SLC44A5: variants seen among roughly 807,000 people sequenced by gnomAD.
SLC44A5 encodes the protein solute carrier family 44 member 5.
Under a neutral mutation model 101.8 loss-of-function variants are expected in SLC44A5, and 57 were observed. The observed-to-expected ratio is 0.56, with a 90% CI of 0.45 to 0.70. SLC44A5 has a LOEUF of 0.70. SLC44A5 is among the 30% of genes least tolerant of loss of function. The pLI is 0.00. For missense variants in SLC44A5, 737 were observed against 853.1 expected, an observed-to-expected ratio of 0.86 and a Z score of 1.70; for synonymous variants, 281 against 290.9, an observed-to-expected ratio of 0.97 and a Z score of 0.35.
At chr1:75,693,639 C>T in the SLC44A5 span, among the ~76,000 whole-genome samples, 2 of 151,988 alleles carry the variant, frequency 1.3e-5, no homozygotes, top group Non-Finnish European at 2.9e-5. Context: ...AAAAATGGTA[C>T]GGAAGAGTTC....
intron 1 of SLC44A5, among the ~76,000 whole-genome samples, chr1:75,548,958 C>T (rs576179335): frequency 6.6e-6 from 1 of 152,186 alleles, no homozygotes; most frequent in Admixed American, 6.5e-5. Context: ...TTGTCAAGTC[C>T]AGTCTGGTTT....
chr1:75,473,221 C>T (rs1326860352), intron 2 of SLC44A5, among the ~76,000 whole-genome samples: 1 of 152,100 alleles, frequency 6.6e-6, no homozygotes, highest in Non-Finnish European at 1.5e-5. Flanking sequence ...CATGGGAGTT[C>T]CAGAGGGAGC....
chr1:75,537,047 C>T (rs1465679664), intron 2 of SLC44A5, among the ~76,000 whole-genome samples: 1 of 115,344 alleles, frequency 8.7e-6, no homozygotes, highest in Non-Finnish European at 1.8e-5. Flanking sequence ...TATATCTATG[C>T]CAAATGATTC....
the SLC44A5 span, among the ~76,000 whole-genome samples, chr1:75,634,512 A>C: frequency 2.6e-5 from 4 of 151,220 alleles, no homozygotes; most frequent in East Asian, 7.8e-4. Flanking sequence ...AACGCCGCAT[A>C]TCTACAACTA....
intron 2 of SLC44A5, among the ~76,000 whole-genome samples, chr1:75,502,302 T>C (rs1669001342): frequency 6.6e-6 from 1 of 152,188 alleles, no homozygotes; most frequent in African/African-American, 2.4e-5. Context: ...CTTGTTTTCC[T>C]GCAGAGGAGG....
the SLC44A5 span, among the ~76,000 whole-genome samples, chr1:75,679,875 G>A: frequency 2.9e-4 from 44 of 152,060 alleles, no homozygotes; most frequent in African/African-American, 8.9e-4. Context: ...CCCATCTCAC[G>A]TGCAGAGACA....
At chr1:75,338,124 G>A (rs1429090283) in intron 4 of SLC44A5, among the ~76,000 whole-genome samples, 6 of 152,158 alleles carry the variant, frequency 3.9e-5, no homozygotes, top group African/African-American at 1.4e-4. Context: ...TCCATTCTTG[G>A]ATTGAAGGCA....
rs1557614332 is a variant in SLC44A5, at chr1:75,280,450, T to TTATATATTGTATATAA, written c.176-5409_176-5408insTTATATACAATATATA. ...TTGTATATATTATATATAGTATATA[T>TTATATATTGTATATAA]TATATATAGTATATATAATATATAA... On this transcript the variant is annotated intron_variant, in intron 5 of 23. Coordinates refer to ENST00000370859, the MANE Select transcript of SLC44A5 (RefSeq NM_001130058.2). Among the ~76,000 whole-genome samples, 10 of 94,332 alleles carry TTATATATTGTATATAA rather than the reference T, an allele frequency of 1.1e-4. 1 individual carries two copies. Among genetic ancestry groups the TTATATATTGTATATAA allele is most frequent in the African/African-American group, 4.2e-4 (9 of 21,590 alleles). The allele number at this position is 94,332 out of a possible 152,430, so 61.9% of individuals were successfully genotyped here. A position where few individuals can be genotyped will look rare whatever the true frequency, so the allele number is the denominator to read the frequency against.
chr1:75,566,535 C>T (rs753120107), intron 1 of SLC44A5, among the ~76,000 whole-genome samples: 1 of 152,192 alleles, frequency 6.6e-6, no homozygotes, highest in African/African-American at 2.4e-5. Flanking sequence ...TTATCTCTAA[C>T]AACTTTGTGT....
At chr1:75,516,608 G>C (rs7542976) in intron 2 of SLC44A5, among the ~76,000 whole-genome samples, 46,026 of 152,068 alleles carry the variant, frequency 0.3, 7,891 homozygotes, top group East Asian at 0.8. Context: ...TTTATATTAA[G>C]GGAATAAATA....
intron 2 of SLC44A5, among the ~76,000 whole-genome samples, chr1:75,477,926 C>A (rs61798718): frequency 6.6e-6 from 1 of 151,346 alleles, no homozygotes; most frequent in East Asian, 1.9e-4. Flanking sequence ...TCCTCGAGAA[C>A]AGCAACTCCA....
At chr1:75,522,669 T>C (rs1490847552) in intron 2 of SLC44A5, among the ~76,000 whole-genome samples, 1 of 152,164 alleles carries the variant, frequency 6.6e-6, no homozygotes, top group Non-Finnish European at 1.5e-5. Flanking sequence ...CCAAACAACC[T>C]TGAACTAAAC....
At chr1:75,218,461 A>G in intron 17 of SLC44A5, 29 bp downstream of exon 17, 1 of 1,611,426 alleles carries the variant, frequency 6.2e-7, no homozygotes, top group Non-Finnish European at 8.5e-7. Context: ...AACTGACAAG[A>G]TAGGTGTAGG....
intron 4 of SLC44A5, among the ~76,000 whole-genome samples, chr1:75,306,821 G>C (rs1026167301): frequency 2.5e-4 from 34 of 136,458 alleles, no homozygotes; most frequent in Admixed American, 2.5e-4. Context: ...TGCAAGCTCC[G>C]CCTCCCGGGT....
chr1:75,650,198 C>T, the SLC44A5 span, among the ~76,000 whole-genome samples: 1 of 152,086 alleles, frequency 6.6e-6, no homozygotes, highest in Admixed American at 6.6e-5. Flanking sequence ...ATTTCTCCTC[C>T]CTCAGCCCTC....
At chr1:75,285,029 C>T (rs144631943) in intron 5 of SLC44A5, among the ~76,000 whole-genome samples, 5 of 151,940 alleles carry the variant, frequency 3.3e-5, no homozygotes, top group East Asian at 1.9e-4. Flanking sequence ...CTTCATAAAA[C>T]GATTTAGAAG....
At chr1:75,507,402 G>A (rs946753024) in intron 2 of SLC44A5, among the ~76,000 whole-genome samples, 12 of 152,186 alleles carry the variant, frequency 7.9e-5, no homozygotes, top group Admixed American at 6.5e-5. Context: ...TGAAGCCTAC[G>A]TGATCGTGAC....
chr1:75,463,754 G>A (rs750876372), intron 2 of SLC44A5, among the ~76,000 whole-genome samples: 2 of 152,056 alleles, frequency 1.3e-5, no homozygotes, highest in African/African-American at 4.8e-5. Flanking sequence ...TTAGTAATAA[G>A]AAATCATCTG....
At chr1:75,276,815 A>G (rs531164658) in intron 5 of SLC44A5, among the ~76,000 whole-genome samples, 1 of 152,154 alleles carries the variant, frequency 6.6e-6, no homozygotes. Flanking sequence ...AGCAAAGCCA[A>G]TCAAGTGCAT....
Sources: gnomAD v4.1 joint callset for allele counts (sites outside exome capture counted in the v4.1 genomes callset) on GRCh38, gnomAD v4.1.1 for gene constraint, MANE v1.5 for transcripts, NCBI Gene and HGNC (gene_info 2026-07-23, HGNC 2026-07-21) for gene names.